The following ARMH4 variants were observed in gnomAD, a reference collection of about 807,000 sequenced individuals.
The protein encoded by ARMH4 is armadillo like helical domain containing 4, also known as armadillo-like helical domain-containing protein 4.
In ARMH4, 49 loss-of-function variants were observed where a neutral mutation model predicts 61.9. That is an observed-to-expected ratio of 0.79 (90% CI 0.63 to 1.00). The LOEUF is 1.00. Among genes scored for constraint, ARMH4 ranks in the 50% least tolerant of loss-of-function variants. The pLI is 0.00. For missense variants in ARMH4, 934 were observed against 930.0 expected (o/e 1.00, Z -0.06); for synonymous variants, 368 against 341.5 (o/e 1.08, Z -0.85).
Position 58,079,990 on chromosome 14 carries a change from C to T in ARMH4, c.2089+16734G>A, listed in dbSNP as rs543652160. ...GAGTTGTCAGTAAGATTTGACACAG[C>T]ACTTAAGAGTGACATAGTTCACCCT... On this transcript the variant is annotated intron_variant, in intron 5 of 7. Transcript: ENST00000267485. Among the ~76,000 whole-genome samples, 13 of 152,264 alleles carry T rather than the reference C, an allele frequency of 8.5e-5. No homozygotes were observed. In the South Asian group the frequency reaches 2.7e-3, roughly 32 times the overall value.
intron 4 of ARMH4, among the ~76,000 whole-genome samples, chr14:58,130,591 C>G: frequency 6.7e-6 from 1 of 149,346 alleles, no homozygotes; most frequent in East Asian, 2.2e-4. Context: ...AATTACGTGA[C>G]TATGTGTCAT....
rs76693210 is a variant in ARMH4 at position 58,094,408 on chromosome 14, G to T, written c.2089+2316C>A. Among the ~76,000 whole-genome samples, 1,277 of 150,822 alleles carry T rather than the reference G, an allele frequency of 8.5e-3. 21 individuals are homozygous for T. Among genetic ancestry groups the T allele is most frequent in the African/African-American group, 0.028 (1,169 of 41,044 alleles). On this transcript the variant is annotated intron_variant, in intron 5 of 7. Coordinates refer to ENST00000267485, the MANE Select transcript of ARMH4 (RefSeq NM_001001872.4). ...GAACAGGAGGACAACAGAGCTTTTT[G>T]TCCTAAGCCTCAAGCCTGACAAGCC...
intron 5 of ARMH4, among the ~76,000 whole-genome samples, chr14:58,030,534 G>A (rs549475624): frequency 4.6e-5 from 7 of 152,236 alleles, no homozygotes; most frequent in Admixed American, 2.0e-4. Flanking sequence ...ATTAACTACC[G>A]TATATTCATA....
intron 5 of ARMH4, among the ~76,000 whole-genome samples, chr14:58,025,248 T>A (rs1448897223): frequency 6.6e-6 from 1 of 152,226 alleles, no homozygotes; most frequent in Non-Finnish European, 1.5e-5. Context: ...AAGCCATCTC[T>A]GTTTATCTAA....
chr14:58,114,062 T>C (rs1335483741), intron 4 of ARMH4, among the ~76,000 whole-genome samples: 2 of 152,146 alleles, frequency 1.3e-5, no homozygotes, highest in Non-Finnish European at 2.9e-5. Context: ...GTCATGGTGG[T>C]TCATTTCCTT....
intron 3 of ARMH4, 51 bp from the exon 4 acceptor site, chr14:58,131,772 AATGTAAGCAT>A: frequency 6.5e-7 from 1 of 1,534,868 alleles, no homozygotes; most frequent in Admixed American, 1.7e-5. Context: ...CATTATGGCA[AATGTAAGCAT>A]GTGCTTTCAC....
At chr14:58,011,972 T>C (rs1287614193) in intron 6 of ARMH4, 147 bp downstream of exon 6, 3 of 598,522 alleles carry the variant, frequency 5.0e-6, no homozygotes, top group South Asian at 4.1e-5. Context: ...GGCTTCTTTT[T>C]TGCAGGTACT....
At chr14:58,065,138 A>T (rs1884662677) in intron 5 of ARMH4, among the ~76,000 whole-genome samples, 2 of 152,146 alleles carry the variant, frequency 1.3e-5, no homozygotes. Context: ...GCTACTTGGG[A>T]GGCTGAGGCA....
rs1342605901 is a variant in ARMH4 at position 58,052,322 on chromosome 14, C to T, written c.2090-40172G>A. On this transcript the variant is annotated intron_variant, in intron 5 of 7. Coordinates refer to ENST00000267485, the MANE Select transcript of ARMH4 (RefSeq NM_001001872.4). ...CCAGTAGCTGGGTGCCAGCTCTGTG[C>T]CAAGTATCTTACACACATCTCACAC... Among the ~76,000 whole-genome samples, 4 of 152,128 alleles carry T rather than the reference C, an allele frequency of 2.6e-5. No homozygotes were observed. In the East Asian group the frequency reaches 7.7e-4, roughly 29 times the overall value.
chr14:58,132,712 A>C (rs1382959602), intron 3 of ARMH4, among the ~76,000 whole-genome samples: 31 of 149,500 alleles, frequency 2.1e-4, no homozygotes, highest in Non-Finnish European at 1.0e-4. Flanking sequence ...CAGCCTCCCG[A>C]GTAGCTCGGA....
At chr14:58,148,773 T>A (rs1460308538) in intron 1 of ARMH4, among the ~76,000 whole-genome samples, 1 of 152,156 alleles carries the variant, frequency 6.6e-6, no homozygotes, top group African/African-American at 2.4e-5. Flanking sequence ...GCTACTTATT[T>A]AACTGTCACT....
intron 5 of ARMH4, among the ~76,000 whole-genome samples, chr14:58,073,494 G>A (rs1473776725): frequency 6.6e-6 from 1 of 152,142 alleles, no homozygotes; most frequent in Admixed American, 6.5e-5. Flanking sequence ...CATGTTCACT[G>A]ACTTTGAGTT....
chr14:58,073,242 G>A (rs916137466), intron 5 of ARMH4, among the ~76,000 whole-genome samples: 3 of 152,122 alleles, frequency 2.0e-5, no homozygotes, highest in Non-Finnish European at 4.4e-5. Context: ...GTAGTATAAG[G>A]AATCATTCTT....
chr14:58,129,400 GC>G (rs774331487), intron 4 of ARMH4, among the ~76,000 whole-genome samples: 10 of 152,184 alleles, frequency 6.6e-5, no homozygotes, highest in Non-Finnish European at 1.3e-4. Context: ...AAATGCTCCT[GC>G]CCCCTAGTGA....
At chr14:58,073,075 T>G (rs953161954) in intron 5 of ARMH4, among the ~76,000 whole-genome samples, 8 of 152,160 alleles carry the variant, frequency 5.3e-5, no homozygotes, top group Non-Finnish European at 7.4e-5. Context: ...AGGAAATGCA[T>G]AGCAAACACA....
intron 2 of ARMH4, 109 bp downstream of exon 2, chr14:58,137,881 C>G (rs1887359075): frequency 1.8e-6 from 2 of 1,115,130 alleles, no homozygotes; most frequent in South Asian, 3.3e-5. Context: ...GCTGCTGCAC[C>G]TGGCCTGCTT....
intron 1 of ARMH4, among the ~76,000 whole-genome samples, chr14:58,143,765 CTTTTTTTTTT>C (rs201034964): frequency 0.49 from 58,870 of 120,212 alleles, 13,985 homozygotes; most frequent in Middle Eastern, 0.59. Context: ...TGCCCATCCT[CTTTTTTTTTT>C]TTTTTTTTTT....
chr14:58,099,198 T>TA (rs111728845), intron 4 of ARMH4, among the ~76,000 whole-genome samples: 1,528 of 152,320 alleles, frequency 0.01, 28 homozygotes, highest in African/African-American at 0.034. Context: ...AAGCTAGAGA[T>TA]AAATTTTGGG....
chr14:58,042,287 T>G (rs1428756173), intron 5 of ARMH4, among the ~76,000 whole-genome samples: 1 of 152,186 alleles, frequency 6.6e-6, no homozygotes, highest in Admixed American at 6.5e-5. Flanking sequence ...AACTCAGGAT[T>G]AAGAAACTCA....
Sources: gnomAD v4.1 joint callset for allele counts (sites outside exome capture counted in the v4.1 genomes callset) on GRCh38, gnomAD v4.1.1 for gene constraint, MANE v1.5 for transcripts, NCBI Gene and HGNC (gene_info 2026-07-23, HGNC 2026-07-21) for gene names.